Variants in HNRNPA1L2 observed in about 807,000 individuals in gnomAD.
The protein encoded by HNRNPA1L2 is heterogeneous nuclear ribonucleoprotein A1-like 2.
In HNRNPA1L2, 10 loss-of-function variants were observed where a neutral mutation model predicts 18.2. That is an observed-to-expected ratio of 0.55 (90% CI 0.34 to 0.93). The LOEUF (loss-of-function observed/expected upper bound fraction) is 0.93, where lower values mean the gene tolerates loss of function less well. Among genes scored for constraint, HNRNPA1L2 ranks in the 40% least tolerant of loss-of-function variants. The probability of loss-of-function intolerance (pLI) is 0.02; values close to 1 mark genes in which losing one functional copy is unlikely to be tolerated. For missense variants in HNRNPA1L2, 308 were observed against 394.4 expected (o/e 0.78, Z 1.85); for synonymous variants, 124 against 138.6 (o/e 0.89, Z 0.74).
At chr13:52,624,643 GA>G in the HNRNPA1L2 span, among the ~76,000 whole-genome samples, 1 of 152,042 alleles carries the variant, frequency 6.6e-6, no homozygotes, top group Non-Finnish European at 1.5e-5. Context: ...AAGAAACACA[GA>G]AAAAAATACC....
the HNRNPA1L2 span, chr13:52,632,571 A>C: frequency 2.0e-5 from 3 of 153,074 alleles, no homozygotes; most frequent in South Asian, 6.2e-4. Context: ...CTGATGGTGT[A>C]ATAGTTGGAT....
the HNRNPA1L2 span, among the ~76,000 whole-genome samples, chr13:52,619,765 CA>C: frequency 6.6e-6 from 1 of 151,622 alleles, no homozygotes; most frequent in African/African-American, 2.4e-5. Context: ...ACTGAAAACA[CA>C]AAAAATTAGC....
At chr13:52,638,046 C>G (rs776822911), upstream of HNRNPA1L2, among the ~76,000 whole-genome samples, 2 of 152,196 alleles carry the variant, frequency 1.3e-5, no homozygotes, top group Non-Finnish European at 2.9e-5. Context: ...AATGAAAAGA[C>G]CATCCATATT....
chr13:52,626,956 A>C, the HNRNPA1L2 span, among the ~76,000 whole-genome samples: 1 of 152,030 alleles, frequency 6.6e-6, no homozygotes, highest in African/African-American at 2.4e-5. Context: ...AACTTCTTTC[A>C]CTTGCTCTAA....
At chr13:52,629,701 A>G in the HNRNPA1L2 span, among the ~76,000 whole-genome samples, 2 of 152,222 alleles carry the variant, frequency 1.3e-5, no homozygotes, top group Admixed American at 1.3e-4. Context: ...TTAAATATCA[A>G]TGCCTAATAC....
chr13:52,639,997 G>C (rs879739648), upstream of HNRNPA1L2, among the ~76,000 whole-genome samples: 3 of 148,618 alleles, frequency 2.0e-5, no homozygotes, highest in African/African-American at 7.5e-5. Context: ...GGTTCAAGCA[G>C]TCCTCTCACT....
the HNRNPA1L2 span, among the ~76,000 whole-genome samples, chr13:52,635,431 A>G: frequency 2.0e-5 from 3 of 151,622 alleles, no homozygotes; most frequent in Non-Finnish European, 4.4e-5. Flanking sequence ...AGTGATATTC[A>G]TTTTCTTTTT....
At chr13:52,634,700 C>G in the HNRNPA1L2 span, among the ~76,000 whole-genome samples, 1 of 152,178 alleles carries the variant, frequency 6.6e-6, no homozygotes, top group African/African-American at 2.4e-5. Flanking sequence ...CCACTAAGTT[C>G]TTACCACTGC....
chr13:52,643,455 A>G lies in HNRNPA1L2; in HGVS notation c.963A>G (p.Ter321=), dbSNP rs760477749. 2 of 1,596,720 alleles carry G rather than the reference A, an allele frequency of 1.3e-6. No homozygotes were observed. The highest frequency in any genetic ancestry group is 1.7e-6 in the Non-Finnish European group (2 of 1,178,818). Residue 321 remains the stop codon, a stop_retained_variant, in exon 1 of 1, where the codon TAA becomes TAG. Coordinates refer to ENST00000357495, the MANE Select transcript of HNRNPA1L2 (RefSeq NM_001389320.1). ...SSSYGSGRRF[*] is the part of the protein sequence containing the mutation. Reference sequence around the variant, plus strand: ...GCTATGGCAGTGGCAGAAGATTTTAATTAGGAAACAAAGCTTAGCAGGAGA... The same window carrying G: ...GCTATGGCAGTGGCAGAAGATTTTAGTTAGGAAACAAAGCTTAGCAGGAGA...
the HNRNPA1L2 span, among the ~76,000 whole-genome samples, chr13:52,635,552 T>C: frequency 9.3e-5 from 14 of 151,026 alleles, no homozygotes; most frequent in African/African-American, 3.2e-4. Context: ...CTTAGAAATC[T>C]GAACATTTTC....
chr13:52,635,515 CA>C, the HNRNPA1L2 span, among the ~76,000 whole-genome samples: 1 of 151,354 alleles, frequency 6.6e-6, no homozygotes, highest in Non-Finnish European at 1.5e-5. Context: ...CTAGTTTTGA[CA>C]AATAGATACA....
upstream of HNRNPA1L2, chr13:52,642,291 A>G (rs1302095612): frequency 1.0e-5 from 7 of 694,116 alleles, no homozygotes; most frequent in Non-Finnish European, 1.5e-5. Flanking sequence ...TCCTACTGTT[A>G]TGTATACTTG....
At chr13:52,622,789 T>C in the HNRNPA1L2 span, among the ~76,000 whole-genome samples, 1 of 152,314 alleles carries the variant, frequency 6.6e-6, no homozygotes, top group South Asian at 2.1e-4. Flanking sequence ...TACTTGTGCT[T>C]GTCAAAAGAG....
chr13:52,639,230 C>A (rs950829346), upstream of HNRNPA1L2, among the ~76,000 whole-genome samples: 1 of 152,138 alleles, frequency 6.6e-6, no homozygotes, highest in Non-Finnish European at 1.5e-5. Context: ...ATGAGCTATT[C>A]AACCCTTTAT....
chr13:52,631,243 C>T, the HNRNPA1L2 span, among the ~76,000 whole-genome samples: 10 of 152,172 alleles, frequency 6.6e-5, no homozygotes, highest in South Asian at 4.1e-4. Context: ...ATTCTGTGAC[C>T]GGGGCACCTT....
the HNRNPA1L2 span, among the ~76,000 whole-genome samples, chr13:52,631,410 T>A: frequency 6.6e-6 from 1 of 152,228 alleles, no homozygotes; most frequent in African/African-American, 2.4e-5. Flanking sequence ...CTGTTGTGCA[T>A]TCCTCTTTTG....
the HNRNPA1L2 span, among the ~76,000 whole-genome samples, chr13:52,631,043 G>A: frequency 1.3e-5 from 2 of 152,312 alleles, no homozygotes; most frequent in East Asian, 3.9e-4. Context: ...TGTGCCTTCA[G>A]TGTGTTAAAA....
chr13:52,618,939 T>C, the HNRNPA1L2 span, among the ~76,000 whole-genome samples: 1 of 152,216 alleles, frequency 6.6e-6, no homozygotes, highest in Non-Finnish European at 1.5e-5. Context: ...GGAAACATTG[T>C]AGTAAAGATT....
chr13:52,643,264 G>A lies in HNRNPA1L2; in HGVS notation c.772G>A (p.Gly258Arg). The A allele has an allele frequency of 1.3e-6, 2 of 1,592,188 alleles. No homozygotes were observed. The highest frequency in any genetic ancestry group is 2.2e-5 in the East Asian group (1 of 44,848). ...TGATGGAAGCAATTTTGGAGGTGGT[G>A]GAAGCTACAATGATTTTGGCAATTA... ...GNDGSNFGGGGSYNDFGNYNN... is the reference protein window; with the variant it reads ...GNDGSNFGGGRSYNDFGNYNN... Residue 258 changes from glycine (G) to arginine (R), a missense_variant, in exon 1 of 1, where the codon GGA (glycine) becomes AGA (arginine). Transcript: ENST00000357495.
Sources: allele counts gnomAD v4.1 joint callset (sites outside exome capture counted in the v4.1 genomes callset), GRCh38; gene constraint gnomAD v4.1.1; transcripts MANE v1.5; gene names NCBI Gene and HGNC (gene_info 2026-07-23, HGNC 2026-07-21).